Variants in SPTLC3 observed in about 807,000 individuals in gnomAD.
The protein encoded by SPTLC3 is serine palmitoyltransferase long chain base subunit 3, also known as serine palmitoyltransferase 3.
A neutral mutation model predicts 59.3 loss-of-function variants in SPTLC3; 36 were observed. The ratio of observed to expected loss-of-function variants is 0.61; its 90% CI spans 0.47 to 0.80. SPTLC3 has a LOEUF of 0.80. Ranked by LOEUF, SPTLC3 falls within the 30% of genes least tolerant of loss-of-function variation. The probability of loss-of-function intolerance (pLI) is 0.00; values close to 1 mark genes in which losing one functional copy is unlikely to be tolerated. For missense variants in SPTLC3, 625 were observed against 685.1 expected, an observed-to-expected ratio of 0.91 and a Z score of 0.98; for synonymous variants, 257 against 240.8, an observed-to-expected ratio of 1.07 and a Z score of -0.62.
intron 1 of SPTLC3, among the ~76,000 whole-genome samples, chr20:13,041,231 A>G (rs1196736310): frequency 6.6e-6 from 1 of 151,798 alleles, no homozygotes; most frequent in Non-Finnish European, 1.5e-5. Context: ...GGTGTACTCA[A>G]CGGTATCCCA....
intron 4 of SPTLC3, among the ~76,000 whole-genome samples, chr20:13,087,816 T>G (rs1190448243): frequency 6.6e-6 from 1 of 152,156 alleles, no homozygotes; most frequent in African/African-American, 2.4e-5. Flanking sequence ...ACTTAATAAG[T>G]GCTATAATCA....
intron 1 of SPTLC3, among the ~76,000 whole-genome samples, chr20:13,044,468 G>A (rs966148699): frequency 1.1e-4 from 17 of 152,010 alleles, no homozygotes; most frequent in South Asian, 2.1e-4. Flanking sequence ...GTCTTTCTTC[G>A]TGAGACTCTC....
intron 9 of SPTLC3, among the ~76,000 whole-genome samples, chr20:13,152,563 T>C (rs1278337059): frequency 6.6e-6 from 1 of 152,156 alleles, no homozygotes; most frequent in Non-Finnish European, 1.5e-5. Flanking sequence ...TTCCTCCAGG[T>C]TAGGACAAAG....
intron 1 of SPTLC3, among the ~76,000 whole-genome samples, chr20:13,042,787 TC>T (rs1411341192): frequency 1.3e-5 from 2 of 152,218 alleles, no homozygotes; most frequent in African/African-American, 4.8e-5. Flanking sequence ...CTCTCAGTGT[TC>T]TTTTTTGATA....
intron 2 of SPTLC3, among the ~76,000 whole-genome samples, chr20:13,055,686 A>T (rs539628561): frequency 3.3e-5 from 5 of 152,186 alleles, no homozygotes; most frequent in Admixed American, 1.3e-4. Flanking sequence ...GAAAAAAAAT[A>T]CACATGAAGA....
intron 6 of SPTLC3, among the ~76,000 whole-genome samples, chr20:13,096,270 C>T (rs549649601): frequency 1.3e-5 from 2 of 152,028 alleles, no homozygotes; most frequent in Non-Finnish European, 2.9e-5. Flanking sequence ...AAATTCTATA[C>T]CTAGATATTT....
chr20:13,131,870 G>A (rs2038127786), intron 9 of SPTLC3, among the ~76,000 whole-genome samples: 1 of 152,112 alleles, frequency 6.6e-6, no homozygotes, highest in Non-Finnish European at 1.5e-5. Context: ...ACTCAGCAGA[G>A]TCCAGACTGT....
intron 10 of SPTLC3, among the ~76,000 whole-genome samples, chr20:13,155,582 T>A (rs550870030): frequency 2.6e-5 from 4 of 152,196 alleles, no homozygotes; most frequent in South Asian, 2.1e-4. Flanking sequence ...ATCCCATCAC[T>A]TTGGGAGGCC....
intron 7 of SPTLC3, 45 bp from the exon 8 acceptor site, chr20:13,117,461 C>T (rs745458308): frequency 7.3e-6 from 11 of 1,514,290 alleles, no homozygotes; most frequent in Non-Finnish European, 9.8e-6. Context: ...CAGAGCTTCC[C>T]AGGAGGGTAT....
At chr20:13,063,943 A>G (rs1316125142) in intron 2 of SPTLC3, among the ~76,000 whole-genome samples, 1 of 152,142 alleles carries the variant, frequency 6.6e-6, no homozygotes, top group Admixed American at 6.5e-5. Context: ...GGCATGAGCC[A>G]CTGCACCTGA....
chr20:13,015,954 G>T (rs771196241), intron 1 of SPTLC3, among the ~76,000 whole-genome samples: 1 of 151,894 alleles, frequency 6.6e-6, no homozygotes, highest in Non-Finnish European at 1.5e-5. Flanking sequence ...ATTTATTTCT[G>T]CATGGCAAAA....
rs566038662 is a variant in SPTLC3 at position 13,053,508 on chromosome 20, A to G, written c.303+4378A>G. Among the ~76,000 whole-genome samples the G allele has an allele frequency of 2.6e-5, 4 of 152,302 alleles. No homozygotes were observed. The East Asian group carries it at 5.8e-4, about 22-fold the overall frequency. ...CTCCAAAGGATCACAACTCCTCGCC[A>G]GCAAGGGAACAAAACTGGACGGAGA... is the stretch of plus-strand genomic sequence containing the variant. On this transcript the variant is annotated intron_variant, in intron 2 of 11. Transcript: ENST00000399002.
chr20:13,052,201 G>A (rs1168181478), intron 2 of SPTLC3, among the ~76,000 whole-genome samples: 6 of 152,116 alleles, frequency 3.9e-5, no homozygotes, highest in East Asian at 3.9e-4. Context: ...CTGGTTAGAC[G>A]GTTGGTGCAG....
intron 3 of SPTLC3, chr20:13,073,794 G>A: frequency 1.7e-6 from 1 of 600,716 alleles, no homozygotes; most frequent in Non-Finnish European, 3.3e-6. Flanking sequence ...CACTGGTCCT[G>A]GAGCTGTGAT....
intron 8 of SPTLC3, among the ~76,000 whole-genome samples, chr20:13,121,385 C>A (rs2037862862): frequency 6.6e-6 from 1 of 152,172 alleles, no homozygotes; most frequent in Non-Finnish European, 1.5e-5. Flanking sequence ...GCACACTAGG[C>A]CCTGGCTGTA....
intron 6 of SPTLC3, among the ~76,000 whole-genome samples, chr20:13,109,066 A>G (rs1990074809): frequency 6.6e-6 from 1 of 152,232 alleles, no homozygotes; most frequent in South Asian, 2.1e-4. Flanking sequence ...TGCTAGGCTT[A>G]AATGTTAAAA....
Position 13,009,212 on chromosome 20 carries a change from A to G in SPTLC3, c.-56A>G. 1 of 1,433,472 alleles carries G rather than the reference A, an allele frequency of 7.0e-7. No individual in the cohort carries two copies. Among genetic ancestry groups the G allele is most frequent in the Non-Finnish European group, 9.8e-7 (1 of 1,023,282 alleles). 88.8% of individuals were successfully genotyped at this position (1,433,472 alleles called of 1,614,324 possible). On this transcript the variant is annotated 5_prime_UTR_variant, in exon 1 of 12. Transcript: ENST00000399002. ...CCATCCCCTCGCAGACTGAAAACTA[A>G]AGCCTGCAGAGACCTCTGAAGGAAA...
chr20:13,139,408 A>T (rs1169189999), intron 9 of SPTLC3, among the ~76,000 whole-genome samples: 1 of 152,208 alleles, frequency 6.6e-6, no homozygotes, highest in Non-Finnish European at 1.5e-5. Flanking sequence ...TTTTCCTAAC[A>T]TAAAGTCCAA....
At chr20:13,147,364 T>C (rs2038538624) in intron 9 of SPTLC3, among the ~76,000 whole-genome samples, 1 of 152,214 alleles carries the variant, frequency 6.6e-6, no homozygotes, top group African/African-American at 2.4e-5. Flanking sequence ...TTCTTGCTGC[T>C]CTGTAGCCTC....
Sources: allele counts gnomAD v4.1 joint callset (sites outside exome capture counted in the v4.1 genomes callset), GRCh38; gene constraint gnomAD v4.1.1; transcripts MANE v1.5; gene names NCBI Gene and HGNC (gene_info 2026-07-23, HGNC 2026-07-21).